CNST: variants seen among roughly 807,000 people sequenced by gnomAD.
The protein encoded by CNST is consortin, connexin sorting protein.
A neutral mutation model predicts 72.4 loss-of-function variants in CNST; 39 were observed. That is an observed-to-expected ratio of 0.54 (90% CI 0.42 to 0.70). The LOEUF is 0.70. CNST is among the 30% of genes least tolerant of loss of function. The pLI, the probability that CNST is intolerant of heterozygous loss-of-function variation, is 0.00. For synonymous variants in CNST, 332 were observed against 320.1 expected, an observed-to-expected ratio of 1.04 and a Z score of -0.40; for missense variants, 871 against 868.5, an observed-to-expected ratio of 1.00 and a Z score of -0.04.
chr1:246,632,338 G>GC, intron 4 of CNST: 1 of 280,948 alleles, frequency 3.6e-6, no homozygotes, highest in Non-Finnish European at 7.0e-6. Flanking sequence ...GGACATTGCC[G>GC]CCCCCGTGAT....
rs1348989449 is a variant in CNST at position 246,634,544 on chromosome 1, G to A, written c.775G>A (p.Glu259Lys). The change falls in exon 6 of 11, where the codon GAA (glutamate) becomes AAA (lysine). Residue 259 changes from glutamate (E) to lysine (K), a missense_variant. By Grantham distance (56) the Glu-to-Lys change is moderately conservative. Transcript: ENST00000366513. ...LRNSEKGFNGEDFERLTKICA... is the reference protein window; with the variant it reads ...LRNSEKGFNGKDFERLTKICA... ...GAATTCAGAAAAGGGATTTAATGGT[G>A]AAGATTTTGAACGGCTTACGAAAAT... The A allele has an allele frequency of 6.2e-7, 1 of 1,609,048 alleles. No homozygotes were observed. Among genetic ancestry groups the A allele is most frequent in the Non-Finnish European group, 8.5e-7 (1 of 1,178,982 alleles).
chr1:246,591,692 G>C lies in CNST; in HGVS notation c.130G>C (p.Asp44His). 6.2e-7 allele frequency: 1 copy of C among 1,614,182 alleles called. No individual in the cohort carries two copies. Among genetic ancestry groups the C allele is most frequent in the Non-Finnish European group, 8.5e-7 (1 of 1,180,034 alleles). Residue 44 changes from aspartate (D) to histidine (H), a missense_variant, in exon 2 of 11, where the codon GAC (aspartate) becomes CAC (histidine). By Grantham distance (81) the Asp-to-His change is moderately conservative (BLOSUM62 -1). Transcript: ENST00000366513. Reference sequence around the variant, plus strand: ...ATCAGATGAAAATGAAAATCAGCTTGACGGGGACGGGCATGAGCATCTGAC... The same window carrying C: ...ATCAGATGAAAATGAAAATCAGCTTCACGGGGACGGGCATGAGCATCTGAC... The part of the protein sequence containing the change: ...SASDENENQL[D>H]GDGHEHLTSS...
At chr1:246,648,149 A>G (rs1666235053) in intron 9 of CNST, 112 bp downstream of exon 9, 1 of 1,459,028 alleles carries the variant, frequency 6.9e-7, no homozygotes, top group Admixed American at 2.6e-5. Context: ...ACATGAGGGA[A>G]AATTCTAGTT....
chr1:246,634,423 C>A, intron 5 of CNST, 50 bp from the exon 6 acceptor site: 1 of 1,116,134 alleles, frequency 9.0e-7, no homozygotes, highest in Non-Finnish European at 1.3e-6. Context: ...TTTTTTTGCT[C>A]CTAAATATGT....
At chr1:246,608,347 T>TA (rs1491545936) in intron 2 of CNST, among the ~76,000 whole-genome samples, 1 of 152,106 alleles carries the variant, frequency 6.6e-6, no homozygotes, top group Non-Finnish European at 1.5e-5. Flanking sequence ...AACGTTTTTT[T>TA]AAAAAAGAAG....
At chr1:246,637,243 T>C (rs992545075) in intron 6 of CNST, among the ~76,000 whole-genome samples, 1 of 152,180 alleles carries the variant, frequency 6.6e-6, no homozygotes, top group Non-Finnish European at 1.5e-5. Flanking sequence ...ACTCTCATGC[T>C]GTTAGTGTGC....
intron 3 of CNST, 135 bp from the exon 4 acceptor site, chr1:246,631,759 A>G: frequency 1.5e-6 from 1 of 684,842 alleles, no homozygotes; most frequent in Non-Finnish European, 2.6e-6. Flanking sequence ...GAACTGTTGA[A>G]TGTAGTTTAA....
At chr1:246,585,897 T>C (rs1273468933) in intron 1 of CNST, among the ~76,000 whole-genome samples, 5 of 151,754 alleles carry the variant, frequency 3.3e-5, no homozygotes, top group Non-Finnish European at 5.9e-5. Flanking sequence ...CTGGGCAACA[T>C]AGTGAGACTC....
At chr1:246,662,991 G>A (rs1410110653) in intron 10 of CNST, among the ~76,000 whole-genome samples, 1 of 152,142 alleles carries the variant, frequency 6.6e-6, no homozygotes, top group African/African-American at 2.4e-5. Flanking sequence ...ATATGATAAT[G>A]AAGAAAAATA....
intron 8 of CNST, 76 bp downstream of exon 8, chr1:246,642,113 G>A (rs2103120889): frequency 4.4e-6 from 2 of 456,290 alleles, no homozygotes; most frequent in Non-Finnish European, 7.5e-6. Context: ...TGATACATCT[G>A]AATTGCTGCA....
intron 2 of CNST, among the ~76,000 whole-genome samples, chr1:246,619,029 G>A (rs867258670): frequency 3.9e-5 from 6 of 152,162 alleles, no homozygotes; most frequent in Middle Eastern, 3.4e-3. Context: ...AAGAAGCCTG[G>A]AGTAATACCC....
At chr1:246,648,196 G>A (rs1422779562) in intron 9 of CNST, 159 bp downstream of exon 9, 3 of 1,409,384 alleles carry the variant, frequency 2.1e-6, no homozygotes, top group East Asian at 5.1e-5. Context: ...TTTTACATTT[G>A]TATGTATTGA....
chr1:246,569,166 T>A (rs181382854), intron 1 of CNST, among the ~76,000 whole-genome samples: 72 of 152,348 alleles, frequency 4.7e-4, no homozygotes, highest in African/African-American at 1.7e-3. Flanking sequence ...ATAAGTAATT[T>A]AAAATTTTCT....
intron 3 of CNST, among the ~76,000 whole-genome samples, chr1:246,628,818 C>G (rs1289593268): frequency 1.3e-5 from 2 of 152,112 alleles, no homozygotes; most frequent in Admixed American, 1.3e-4. Context: ...TTCACAGTGT[C>G]TTTTTTTAGA....
At chr1:246,574,581 ATTT>A (rs879554267) in intron 1 of CNST, among the ~76,000 whole-genome samples, 1 of 147,216 alleles carries the variant, frequency 6.8e-6, no homozygotes, top group Non-Finnish European at 1.5e-5. Flanking sequence ...ATGCAGTCTA[ATTT>A]TTTTTTTTTA....
intron 6 of CNST, among the ~76,000 whole-genome samples, chr1:246,638,501 AG>A (rs1164539378): frequency 2.3e-4 from 35 of 152,336 alleles, no homozygotes; most frequent in Non-Finnish European, 2.2e-4. Context: ...CGTTCTTTCC[AG>A]ATGGACAAGT....
intron 9 of CNST, among the ~76,000 whole-genome samples, chr1:246,659,337 G>A (rs1328017540): frequency 6.6e-6 from 1 of 152,226 alleles, no homozygotes; most frequent in Non-Finnish European, 1.5e-5. Flanking sequence ...GCTCACACCT[G>A]TAATCCCAGC....
chr1:246,586,159 A>G (rs1445755406), intron 1 of CNST, among the ~76,000 whole-genome samples: 1 of 146,866 alleles, frequency 6.8e-6, no homozygotes, highest in East Asian at 1.9e-4. Context: ...TACTGATAGT[A>G]TGCTTATAAG....
chr1:246,630,699 C>CTT (rs11452922), intron 3 of CNST, among the ~76,000 whole-genome samples: 2 of 151,958 alleles, frequency 1.3e-5, no homozygotes, highest in South Asian at 2.1e-4. Flanking sequence ...AAGGTTATAC[C>CTT]TTTTTTTACT....
Sources: allele counts gnomAD v4.1 joint callset (sites outside exome capture counted in the v4.1 genomes callset), GRCh38; gene constraint gnomAD v4.1.1; transcripts MANE v1.5; gene names NCBI Gene and HGNC (gene_info 2026-07-23, HGNC 2026-07-21).